The following SLC25A28 variants were observed in gnomAD, a reference collection of about 807,000 sequenced individuals.
The protein encoded by SLC25A28 is solute carrier family 25 member 28.
Under a neutral mutation model 31.9 loss-of-function variants are expected in SLC25A28, and 10 were observed. The ratio of observed to expected loss-of-function variants is 0.31; its 90% CI spans 0.19 to 0.53. The LOEUF (loss-of-function observed/expected upper bound fraction) is 0.53, where lower values mean the gene tolerates loss of function less well. SLC25A28 is among the 20% of genes least tolerant of loss of function. The pLI is 0.95. For synonymous variants in SLC25A28, 208 were observed against 203.6 expected, an observed-to-expected ratio of 1.02 and a Z score of -0.19; for missense variants, 256 against 490.3, an observed-to-expected ratio of 0.52 and a Z score of 4.51.
the SLC25A28 span, among the ~76,000 whole-genome samples, chr10:99,659,283 G>C: frequency 1.3e-5 from 2 of 152,244 alleles, no homozygotes; most frequent in African/African-American, 4.8e-5. The surrounding 1 kb of genome is among the most constrained non-coding windows in gnomAD (Gnocchi z 4.1). Flanking sequence ...CGGAGCCTCG[G>C]TACGACGCCT....
chr10:99,630,308 AT>A, the SLC25A28 span, among the ~76,000 whole-genome samples: 9 of 151,936 alleles, frequency 5.9e-5, no homozygotes, highest in African/African-American at 2.2e-4. Context: ...TTTTAAAAAT[AT>A]TTTTGGTAGA....
intron 1 of SLC25A28, chr10:99,615,398 A>C: frequency 1.0e-6 from 1 of 979,526 alleles, no homozygotes. Context: ...CTCTTGGCCA[A>C]CTGGAATCCA....
chr10:99,617,332 T>A (rs1367894051), intron 1 of SLC25A28: 1 of 985,368 alleles, frequency 1.0e-6, no homozygotes, highest in East Asian at 1.1e-4. Flanking sequence ...TGACTTCTCA[T>A]GGTCCCTCTC....
the SLC25A28 span, among the ~76,000 whole-genome samples, chr10:99,626,896 G>A: frequency 6.6e-5 from 10 of 151,910 alleles, no homozygotes; most frequent in South Asian, 1.9e-3. Flanking sequence ...ACTTTTGTCT[G>A]TCTGATGAGT....
chr10:99,628,851 CATT>C, the SLC25A28 span, among the ~76,000 whole-genome samples: 1 of 152,168 alleles, frequency 6.6e-6, no homozygotes, highest in African/African-American at 2.4e-5. Context: ...CCACCACAAT[CATT>C]GTTGAAAATA....
rs896760666 is a variant in SLC25A28, at chr10:99,613,553, G to A, written c.520+143C>T. ...AGCGGCCCGTTGTCTGAGAACATCAGGTTTGGAAGTCCCTCCCTTATAATC... is the reference window on the plus strand; with the variant it reads ...AGCGGCCCGTTGTCTGAGAACATCAAGTTTGGAAGTCCCTCCCTTATAATC... On this transcript the variant is annotated intron_variant, in intron 2 of 3. Transcript: ENST00000370495. This position sits in a 1 kb window ranked among gnomAD's most constrained non-coding sequence, Gnocchi z 4.9. The A allele has an allele frequency of 5.3e-6, 8 of 1,499,968 alleles. No individual in the cohort carries two copies. The highest frequency in any genetic ancestry group is 1.4e-5 in the African/African-American group (1 of 71,804). 92.9% of individuals were successfully genotyped at this position (1,499,968 alleles called of 1,614,324 possible). A position where few individuals can be genotyped will look rare whatever the true frequency, so the allele number is the denominator to read the frequency against.
chr10:99,629,498 C>T, the SLC25A28 span, among the ~76,000 whole-genome samples: 1 of 152,202 alleles, frequency 6.6e-6, no homozygotes, highest in Admixed American at 6.5e-5. Context: ...ACTTTTCACA[C>T]TAGGCAAAAG....
chr10:99,619,918 G>C (rs919073933), intron 1 of SLC25A28, 127 bp downstream of exon 1: 2 of 948,254 alleles, frequency 2.1e-6, no homozygotes, highest in African/African-American at 3.4e-5. Context: ...TTCGAATCAT[G>C]TGGTAGTGGC....
chr10:99,653,590 CAG>C, the SLC25A28 span, among the ~76,000 whole-genome samples: 9 of 152,202 alleles, frequency 5.9e-5, no homozygotes, highest in Admixed American at 1.3e-4. Flanking sequence ...ATAAGTAATA[CAG>C]AGAGTCTCTC....
Position 99,610,649 on chromosome 10 carries a change from C to T in SLC25A28, c.*200G>A. ...AAAGGTGCTGTGGTGTGCTTTGCTG[C>T]ACGTGCTTAGGGCCTGGAAGGAAAG... On this transcript the variant is annotated 3_prime_UTR_variant, in exon 4 of 4. Coordinates refer to ENST00000370495, the MANE Select transcript of SLC25A28 (RefSeq NM_031212.4). 1.6e-6 allele frequency: 1 copy of T among 616,000 alleles called. No homozygotes were observed. 38.2% of individuals were successfully genotyped at this position (616,000 alleles called of 1,614,324 possible).
At chr10:99,628,229 C>A in the SLC25A28 span, among the ~76,000 whole-genome samples, 1 of 152,122 alleles carries the variant, frequency 6.6e-6, no homozygotes, top group Non-Finnish European at 1.5e-5. Flanking sequence ...GGGCAATGAT[C>A]CCTCTCTGGT....
At chr10:99,658,778 G>A in the SLC25A28 span, among the ~76,000 whole-genome samples, 930 of 152,280 alleles carry the variant, frequency 6.1e-3, 5 homozygotes, top group Non-Finnish European at 1.0e-2. Context: ...CGTCCTCCTG[G>A]AAATGAGATA....
At chr10:99,615,868 G>C in intron 1 of SLC25A28, 1 of 985,422 alleles carries the variant, frequency 1.0e-6, no homozygotes, top group Non-Finnish European at 1.2e-6. Context: ...AGTCAATGGT[G>C]TATTTGGCTA....
the SLC25A28 span, among the ~76,000 whole-genome samples, chr10:99,635,939 T>C: frequency 6.6e-6 from 1 of 152,164 alleles, no homozygotes; most frequent in Admixed American, 6.5e-5. Flanking sequence ...TAAACATATA[T>C]GCACCTGACA....
upstream of SLC25A28, chr10:99,620,851 G>C (rs2034776091): frequency 3.0e-6 from 3 of 985,472 alleles, no homozygotes; most frequent in East Asian, 3.4e-4. Context: ...CCTCACTAGC[G>C]CCTGCAGAGC....
At chr10:99,646,963 C>G in the SLC25A28 span, among the ~76,000 whole-genome samples, 1 of 152,168 alleles carries the variant, frequency 6.6e-6, no homozygotes, top group Non-Finnish European at 1.5e-5. Context: ...ATAGTGGCTT[C>G]AAGTTCCACC....
chr10:99,616,607 C>G (rs957761694), intron 1 of SLC25A28: 16 of 985,222 alleles, frequency 1.6e-5, no homozygotes, highest in Middle Eastern at 5.2e-4. Flanking sequence ...TAAAGTTTCT[C>G]TGTGGCTATA....
chr10:99,649,337 G>C, the SLC25A28 span, among the ~76,000 whole-genome samples: 70 of 152,118 alleles, frequency 4.6e-4, no homozygotes, highest in Non-Finnish European at 9.1e-4. Flanking sequence ...TTGATATGCT[G>C]TTGAATTTGA....
rs763769323 is a variant in SLC25A28, at chr10:99,613,705, T to C, written c.511A>G (p.Ile171Val). The stretch of plus-strand genomic sequence containing the variant: ...CAGGAAGGCTCAATACCATTGGCAA[T>C]ATGGCTATTGCCCCCAGGGTGGATT... ...DVIHPGGNSH[I>V]ANGAAGCVAT... The change falls in exon 2 of 4, where the codon ATT becomes GTT. Residue 171 changes from isoleucine to valine, a missense_variant. Ile to Val is a conservative substitution (Grantham distance 29). Coordinates refer to ENST00000370495, the MANE Select transcript of SLC25A28 (RefSeq NM_031212.4). The surrounding 1 kb of genome is among the most constrained non-coding windows in gnomAD (Gnocchi z 4.9). 6.2e-7 allele frequency: 1 copy of C among 1,614,222 alleles called. No homozygotes were observed.
Sources: allele counts gnomAD v4.1 joint callset (sites outside exome capture counted in the v4.1 genomes callset), GRCh38; gene constraint gnomAD v4.1.1; non-coding constraint Gnocchi (gnomAD v3.1); transcripts MANE v1.5; gene names NCBI Gene and HGNC (gene_info 2026-07-23, HGNC 2026-07-21).